EHBP1: variants seen among roughly 807,000 people sequenced by gnomAD.
The protein encoded by EHBP1 is EH domain-binding protein 1.
A neutral mutation model predicts 144.0 loss-of-function variants in EHBP1; 55 were observed. That is an observed-to-expected ratio of 0.38 (90% CI 0.31 to 0.48). The LOEUF (loss-of-function observed/expected upper bound fraction) is 0.48. EHBP1 is among the 20% of genes least tolerant of loss of function. The pLI, the probability that EHBP1 is intolerant of heterozygous loss-of-function variation, is 0.98. For missense variants in EHBP1, 1,200 were observed against 1,364.2 expected, an observed-to-expected ratio of 0.88 and a Z score of 1.90; for synonymous variants, 469 against 472.7, an observed-to-expected ratio of 0.99 and a Z score of 0.10.
At chr2:62,714,170 G>GAGTTCAGT (rs1170239500) in intron 2 of EHBP1, among the ~76,000 whole-genome samples, 2 of 152,132 alleles carry the variant, frequency 1.3e-5, no homozygotes, top group Non-Finnish European at 2.9e-5. Context: ...ATGAACTCAG[G>GAGTTCAGT]AGTTCAGTAG....
At chr2:62,828,189 A>C (rs2046484605) in intron 6 of EHBP1, among the ~76,000 whole-genome samples, 1 of 152,232 alleles carries the variant, frequency 6.6e-6, no homozygotes, top group Admixed American at 6.5e-5. Flanking sequence ...AAGCCATACT[A>C]TATTTAGAAG....
rs562789622 is a variant in EHBP1 at position 62,792,789 on chromosome 2, A to G, written c.312+21397A>G. Among the ~76,000 whole-genome samples, 3 of 152,158 alleles carry G rather than the reference A, an allele frequency of 2.0e-5. No individual in the cohort carries two copies. The South Asian group carries it at 6.2e-4, about 32-fold the overall frequency. Reference sequence around the variant, plus strand: ...TCACTCTCAGTATACTTAGAGTGAGATATTTAAGTGCTGCTTACCTACAGT... The same window carrying G: ...TCACTCTCAGTATACTTAGAGTGAGGTATTTAAGTGCTGCTTACCTACAGT... On this transcript the variant is annotated intron_variant, in intron 5 of 22. Coordinates refer to ENST00000431489, the MANE Select transcript of EHBP1 (RefSeq NM_001142616.3).
chr2:62,893,467 A>G (rs749836084), intron 10 of EHBP1, among the ~76,000 whole-genome samples: 11 of 152,238 alleles, frequency 7.2e-5, no homozygotes, highest in Non-Finnish European at 1.2e-4. Flanking sequence ...AGTAGTGCTC[A>G]TTACTACTCT....
rs188352602 is a variant in EHBP1 at position 62,696,575 on chromosome 2, G to A, written c.-295-10322G>A. On this transcript the variant is annotated intron_variant, in intron 1 of 22. Coordinates refer to the EHBP1 transcript ENST00000405015. ...GTTGCCCAGGCTGGAGTGCAGTGGC[G>A]CTATCTCTGCTCACTGCAAGCTCCA... is the stretch of plus-strand genomic sequence containing the variant. Among the ~76,000 whole-genome samples, 174 of 116,140 alleles carry A rather than the reference G, an allele frequency of 1.5e-3. 2 individuals are homozygous for A. Among genetic ancestry groups the A allele is most frequent in the Admixed American group, 4.3e-3 (36 of 8,320 alleles). 76.2% of individuals were successfully genotyped at this position (116,140 alleles called of 152,430 possible).
In EHBP1 at chr2:62,693,502, T is replaced by C. The variant is rs2033980412; in HGVS notation, c.-295-13395T>C. 3.9e-5 allele frequency among the ~76,000 whole-genome samples: 6 copies of C among 152,314 alleles called. 1 individual carries two copies. The South Asian group carries it at 1.2e-3, about 32-fold the overall frequency. ...TATTTTTTCACTTAAAATGGATACGTAATAATTGTATTTATTTATAGGATA... is the reference window on the plus strand; with the variant it reads ...TATTTTTTCACTTAAAATGGATACGCAATAATTGTATTTATTTATAGGATA... On this transcript the variant is annotated intron_variant, in intron 1 of 22. Coordinates refer to the EHBP1 transcript ENST00000405015.
chr2:62,810,361 C>T (rs533835956), intron 5 of EHBP1, among the ~76,000 whole-genome samples: 27 of 152,184 alleles, frequency 1.8e-4, no homozygotes, highest in Non-Finnish European at 3.5e-4. Context: ...AGTGTGCTCA[C>T]GGATGATGAG....
chr2:62,787,915 G>A (rs943870898), intron 5 of EHBP1, among the ~76,000 whole-genome samples: 1 of 152,202 alleles, frequency 6.6e-6, no homozygotes, highest in South Asian at 2.1e-4. Flanking sequence ...GGTTCACAGA[G>A]CACTGGCTAA....
intron 19 of EHBP1, among the ~76,000 whole-genome samples, chr2:63,000,349 T>A (rs2059798837): frequency 6.6e-6 from 1 of 152,030 alleles, no homozygotes; most frequent in South Asian, 2.1e-4. Flanking sequence ...ATAGTTTGAA[T>A]ACTGAGCAGC....
At chr2:62,747,335 C>G in intron 2 of EHBP1, 60 bp from the exon 3 acceptor site, 1 of 1,533,490 alleles carries the variant, frequency 6.5e-7, no homozygotes, top group Non-Finnish European at 8.9e-7. Context: ...TTTAAAGGCG[C>G]TAAAATGAAA....
At chr2:62,882,605 G>A (rs1203067876) in intron 10 of EHBP1, among the ~76,000 whole-genome samples, 1 of 152,160 alleles carries the variant, frequency 6.6e-6, no homozygotes, top group African/African-American at 2.4e-5. Flanking sequence ...GAAATGGGCC[G>A]GGTGCGGTGG....
Position 63,032,261 on chromosome 2 carries a change from T to TA in EHBP1, c.3104-5259dup, listed in dbSNP as rs920748022. ...TAAAAAATAAATAAATAAAATGATT[T>TA]AAAAAAAAAAAAAAAGGTCAGTTCA... On this transcript the variant is annotated intron_variant, in intron 19 of 22. Coordinates refer to ENST00000431489, the MANE Select transcript of EHBP1 (RefSeq NM_001142616.3). Among the ~76,000 whole-genome samples, 910 of 135,110 alleles carry TA rather than the reference T, an allele frequency of 6.7e-3. 6 individuals carry two copies. The highest frequency in any genetic ancestry group is 0.017 in the African/African-American group (635 of 36,924). 88.6% of individuals were successfully genotyped at this position (135,110 alleles called of 152,430 possible).
chr2:62,708,995 A>G (rs1392344646), intron 2 of EHBP1, among the ~76,000 whole-genome samples: 1 of 152,170 alleles, frequency 6.6e-6, no homozygotes, highest in African/African-American at 2.4e-5. Flanking sequence ...TTTGGGGATT[A>G]TTCTGTAGGT....
Position 62,764,306 on chromosome 2 carries a change from G to A in EHBP1, c.203G>A (p.Gly68Asp). ...WQPGIKNPYR[G>D]VVVWPVPENI... ...CCTGGAATAAAAAATCCCTATCGTG[G>A]TGTTGTTGTGTGGCCTGTTCCTGAA... The change falls in exon 4 of 23, where the codon GGT (glycine) becomes GAT (aspartate). Residue 68 changes from glycine (G) to aspartate (D), a missense_variant. By Grantham distance (94) the Gly-to-Asp change is moderately conservative. Around this residue, in one of 6 missense-constraint regions of EHBP1, gnomAD observed 137 missense variants for 190.1 expected, o/e 0.72. Coordinates refer to ENST00000431489, the MANE Select transcript of EHBP1 (RefSeq NM_001142616.3). 1.3e-6 allele frequency: 2 copies of A among 1,581,684 alleles called. No individual in the cohort carries two copies. The highest frequency in any genetic ancestry group is 8.6e-7 in the Non-Finnish European group (1 of 1,166,280).
At chr2:62,798,283 G>T (rs2043696406) in intron 5 of EHBP1, among the ~76,000 whole-genome samples, 1 of 152,006 alleles carries the variant, frequency 6.6e-6, no homozygotes, top group Non-Finnish European at 1.5e-5. Context: ...CACGAGAATC[G>T]CTTGAACCCA....
rs187999793 is a variant in EHBP1, at chr2:62,757,594, C to T, written c.163-6672C>T. ...GATTACAGACATACGCCACAATTCC[C>T]GGCAAATTTTTGTGTTTTTAGTAGA... On this transcript the variant is annotated intron_variant, in intron 3 of 22. Coordinates refer to ENST00000431489, the MANE Select transcript of EHBP1 (RefSeq NM_001142616.3). 5.7e-4 allele frequency among the ~76,000 whole-genome samples: 87 copies of T among 151,462 alleles called. 1 individual carries two copies. The highest frequency in any genetic ancestry group is 1.7e-3 in the African/African-American group (69 of 41,312).
intron 15 of EHBP1, among the ~76,000 whole-genome samples, chr2:62,987,158 G>A (rs2059234245): frequency 6.6e-6 from 1 of 152,064 alleles, no homozygotes; most frequent in Admixed American, 6.6e-5. Context: ...CAAAATTACT[G>A]TAACAATTTT....
At chr2:62,740,832 CT>C (rs1558585223) in intron 2 of EHBP1, among the ~76,000 whole-genome samples, 1 of 151,940 alleles carries the variant, frequency 6.6e-6, no homozygotes, top group Non-Finnish European at 1.5e-5. Flanking sequence ...TAGTGATTTC[CT>C]ACAAATGAAA....
chr2:62,721,233 T>G (rs1371700616), intron 2 of EHBP1, among the ~76,000 whole-genome samples: 1 of 152,152 alleles, frequency 6.6e-6, no homozygotes. Flanking sequence ...AAATTGGGTT[T>G]GTTTGATGTT....
At chr2:62,827,649 G>A (rs2152624655) in intron 6 of EHBP1, among the ~76,000 whole-genome samples, 1 of 152,196 alleles carries the variant, frequency 6.6e-6, no homozygotes, top group South Asian at 2.1e-4. Context: ...AAATTAAAAT[G>A]GTATGCAATT....
Sources: gnomAD v4.1 joint callset for allele counts (sites outside exome capture counted in the v4.1 genomes callset) on GRCh38, gnomAD v4.1.1 for gene constraint, gnomAD v4.1.1 regional missense constraint, MANE v1.5 for transcripts, NCBI Gene and HGNC (gene_info 2026-07-23, HGNC 2026-07-21) for gene names.